Variants in CTNNA2 observed in about 807,000 individuals in gnomAD.
CTNNA2 encodes the protein catenin alpha-2.
In CTNNA2, 42 loss-of-function variants were observed where a neutral mutation model predicts 101.0. The ratio of observed to expected loss-of-function variants is 0.42; its 90% CI spans 0.32 to 0.54. CTNNA2 has a LOEUF of 0.54. CTNNA2 is among the 20% of genes least tolerant of loss of function. The pLI is 0.14. For missense variants in CTNNA2, 871 were observed against 1,223.1 expected, an observed-to-expected ratio of 0.71 and a Z score of 4.29; for synonymous variants, 450 against 456.4, an observed-to-expected ratio of 0.99 and a Z score of 0.18.
At chr2:79,874,037 T>A in intron 5 of CTNNA2, 39 bp from the exon 6 acceptor site, 1 of 1,605,972 alleles carries the variant, frequency 6.2e-7, no homozygotes, top group Non-Finnish European at 8.5e-7. Flanking sequence ...TCTATGCAAA[T>A]TTCATGTGTG....
chr2:80,343,527 C>A (rs1225649892), intron 7 of CTNNA2, among the ~76,000 whole-genome samples: 1 of 151,890 alleles, frequency 6.6e-6, no homozygotes, highest in Non-Finnish European at 1.5e-5. Flanking sequence ...GTGTCATTTA[C>A]TTCTGTAACA....
intron 2 of CTNNA2, among the ~76,000 whole-genome samples, chr2:79,716,135 A>G (rs1338482675): frequency 1.3e-5 from 2 of 152,176 alleles, no homozygotes; most frequent in African/African-American, 2.4e-5. Context: ...TTGGGTGTAC[A>G]GGGCCAGGGT....
At chr2:79,691,730 A>G (rs551415568) in intron 2 of CTNNA2, among the ~76,000 whole-genome samples, 2 of 152,168 alleles carry the variant, frequency 1.3e-5, no homozygotes, top group Admixed American at 1.3e-4. Flanking sequence ...CACATCCACA[A>G]CTATCTGATT....
At chr2:79,318,283 G>A (rs925855471) in intron 3 of CTNNA2, among the ~76,000 whole-genome samples, 1 of 151,988 alleles carries the variant, frequency 6.6e-6, no homozygotes, top group African/African-American at 2.4e-5. Context: ...CTTCATCGTT[G>A]TTCTTCTTGG....
chr2:79,811,585 A>G (rs529065005), intron 3 of CTNNA2, among the ~76,000 whole-genome samples: 12 of 152,292 alleles, frequency 7.9e-5, no homozygotes, highest in African/African-American at 2.6e-4. Flanking sequence ...ATCAATTTAT[A>G]TGTCCATACC....
intron 7 of CTNNA2, among the ~76,000 whole-genome samples, chr2:80,311,773 T>C (rs1013044728): frequency 1.3e-5 from 2 of 152,272 alleles, no homozygotes; most frequent in African/African-American, 4.8e-5. Flanking sequence ...ACAATCTCAG[T>C]TGTAAGAAAT....
intron 3 of CTNNA2, among the ~76,000 whole-genome samples, chr2:79,749,127 G>A (rs1034770202): frequency 6.6e-6 from 1 of 151,894 alleles, no homozygotes; most frequent in Non-Finnish European, 1.5e-5. Context: ...AACCCAAAAC[G>A]GTGCCTCCAT....
At chr2:80,486,465 A>G (rs545931083) in intron 9 of CTNNA2, among the ~76,000 whole-genome samples, 4 of 152,340 alleles carry the variant, frequency 2.6e-5, no homozygotes, top group South Asian at 4.1e-4. Flanking sequence ...CTGATTATAT[A>G]AGTAGTACAT....
At chr2:80,131,464 T>G (rs1318210650) in intron 7 of CTNNA2, among the ~76,000 whole-genome samples, 1 of 152,188 alleles carries the variant, frequency 6.6e-6, no homozygotes, top group African/African-American at 2.4e-5. Flanking sequence ...AATTAAAAGT[T>G]TATAAAATGG....
chr2:79,495,934 A>G (rs1671251656), intron 4 of CTNNA2, among the ~76,000 whole-genome samples: 1 of 152,112 alleles, frequency 6.6e-6, no homozygotes, highest in African/African-American at 2.4e-5. Flanking sequence ...GATAGAAACT[A>G]GACTAGTGGT....
chr2:80,232,332 TGTTTGTTTGTTTG>T lies in CTNNA2; in HGVS notation c.1057-160878_1057-160866del, dbSNP rs1277465724. ...TTACAGAATTTGGGTTTTGTTTGTT[TGTTTGTTTGTTTG>T]TTTTTTTTTTTTTTTTTTTTTTTTT... On this transcript the variant is annotated intron_variant, in intron 7 of 18. Coordinates refer to ENST00000402739, the MANE Select transcript of CTNNA2 (RefSeq NM_001282597.3). Among the ~76,000 whole-genome samples the T allele has an allele frequency of 1.5e-4, 12 of 77,972 alleles. No individual in the cohort carries two copies. The South Asian group carries it at 3.5e-3, about 23-fold the overall frequency. The allele number at this position is 77,972 out of a possible 152,430, so 51.2% of individuals were successfully genotyped here.
intron 4 of CTNNA2, among the ~76,000 whole-genome samples, chr2:79,865,092 C>A (rs1322857231): frequency 1.3e-5 from 2 of 152,128 alleles, no homozygotes; most frequent in African/African-American, 4.8e-5. Context: ...CTTATACACA[C>A]ATTTGTATAA....
intron 9 of CTNNA2, among the ~76,000 whole-genome samples, chr2:80,461,833 A>G (rs1684454916): frequency 6.6e-6 from 1 of 152,158 alleles, no homozygotes; most frequent in Non-Finnish European, 1.5e-5. Context: ...CAGAAGAATG[A>G]TATTTTCCAC....
chr2:79,630,894 C>A (rs1008608078), intron 1 of CTNNA2, among the ~76,000 whole-genome samples: 9 of 150,088 alleles, frequency 6.0e-5, no homozygotes, highest in Non-Finnish European at 1.5e-5. Flanking sequence ...GAATAATGTA[C>A]ATTTTATTGT....
chr2:79,827,396 T>A (rs989895782), intron 3 of CTNNA2, among the ~76,000 whole-genome samples: 2 of 152,104 alleles, frequency 1.3e-5, no homozygotes, highest in Non-Finnish European at 2.9e-5. Context: ...AAGCTGAAAG[T>A]TGAGCAAAAA....
chr2:79,303,085 A>C (rs2104392137), intron 2 of CTNNA2, among the ~76,000 whole-genome samples: 1 of 152,272 alleles, frequency 6.6e-6, no homozygotes, highest in South Asian at 2.1e-4. Flanking sequence ...GGAGACAGGC[A>C]TTGTTGTTAT....
intron 2 of CTNNA2, among the ~76,000 whole-genome samples, chr2:79,312,085 T>C (rs1217777643): frequency 2.0e-5 from 3 of 149,876 alleles, no homozygotes; most frequent in African/African-American, 7.4e-5. Flanking sequence ...AAAAAAAAAA[T>C]TGTAGAGACA....
chr2:79,599,225 TG>T (rs1677393607), intron 1 of CTNNA2, among the ~76,000 whole-genome samples: 1 of 152,168 alleles, frequency 6.6e-6, no homozygotes, highest in Non-Finnish European at 1.5e-5. Flanking sequence ...GTCTTGAAGT[TG>T]GGTAGTGTCA....
chr2:80,625,857 A>T (rs1671631328), intron 18 of CTNNA2, among the ~76,000 whole-genome samples: 2 of 152,064 alleles, frequency 1.3e-5, no homozygotes, highest in African/African-American at 4.8e-5. Flanking sequence ...GCCAAAAATC[A>T]AGTAATTAAA....
Sources: gnomAD v4.1 joint callset for allele counts (sites outside exome capture counted in the v4.1 genomes callset) on GRCh38, gnomAD v4.1.1 for gene constraint, MANE v1.5 for transcripts, NCBI Gene and HGNC (gene_info 2026-07-23, HGNC 2026-07-21) for gene names.